WASHC2C: variants seen among roughly 807,000 people sequenced by gnomAD.
The protein encoded by WASHC2C is WASH complex subunit 2C.
Under a neutral mutation model 142.2 loss-of-function variants are expected in WASHC2C, and 73 were observed. The observed-to-expected ratio is 0.51, with a 90% confidence interval of 0.43 to 0.62. The LOEUF (loss-of-function observed/expected upper bound fraction) is 0.62, where lower values mean the gene tolerates loss of function less well. WASHC2C is among the 20% of genes least tolerant of loss of function. WASHC2C has a pLI of 0.00. For missense variants in WASHC2C, 969 were observed against 1,531.7 expected, an observed-to-expected ratio of 0.63 and a Z score of 6.13; for synonymous variants, 337 against 565.5, an observed-to-expected ratio of 0.60 and a Z score of 5.73.
chr10:45,748,960 T>A (rs1250182529), intron 8 of WASHC2C, among the ~76,000 whole-genome samples: 3 of 152,218 alleles, frequency 2.0e-5, no homozygotes, highest in African/African-American at 7.2e-5. Context: ...TGCTGTAGTG[T>A]TTGCAGAGGG....
chr10:45,772,137 G>A (rs1156913840), intron 20 of WASHC2C, among the ~76,000 whole-genome samples: 22 of 152,158 alleles, frequency 1.4e-4, no homozygotes, highest in Non-Finnish European at 2.6e-4. Flanking sequence ...CTTGAAAGAA[G>A]CTGGTCACAG....
At chr10:45,768,755 A>G (rs557333484) in intron 19 of WASHC2C, among the ~76,000 whole-genome samples, 2 of 152,052 alleles carry the variant, frequency 1.3e-5, no homozygotes, top group Admixed American at 1.3e-4. Context: ...TAGGATTTTT[A>G]AAATTAAAAT....
Position 45,729,039 on chromosome 10 carries a change from G to C in WASHC2C, c.291+13G>C, listed in dbSNP as rs782161681. The C allele has an allele frequency of 5.6e-6, 9 of 1,605,892 alleles. No individual in the cohort carries two copies. Among genetic ancestry groups the C allele is most frequent in the Non-Finnish European group, 7.6e-6 (9 of 1,176,754 alleles). On this transcript the variant is annotated intron_variant, in intron 3 of 30. Transcript: ENST00000623400. Reference sequence around the variant, plus strand: ...GTTCATAGAGAATGTGAGTTATTTAGTTATATTATAATTCCTTTTTTGGGA... The same window carrying C: ...GTTCATAGAGAATGTGAGTTATTTACTTATATTATAATTCCTTTTTTGGGA...
At chr10:45,743,356 A>G (rs372120897) in intron 5 of WASHC2C, 34 bp from the exon 6 acceptor site, 1 of 1,611,964 alleles carries the variant, frequency 6.2e-7, no homozygotes, top group Non-Finnish European at 8.5e-7. Flanking sequence ...TTCAACTGAA[A>G]TGTTTGACAG....
intron 28 of WASHC2C, 87 bp from the exon 29 acceptor site, chr10:45,788,784 A>G: frequency 3.1e-6 from 5 of 1,606,266 alleles, no homozygotes; most frequent in Non-Finnish European, 4.3e-6. Context: ...TAACCTTACA[A>G]TATTTTGAGT....
At chr10:45,788,135 G>A (rs1213265239) in intron 28 of WASHC2C, among the ~76,000 whole-genome samples, 1 of 151,898 alleles carries the variant, frequency 6.6e-6, no homozygotes, top group African/African-American at 2.4e-5. Context: ...GTTTAAATTG[G>A]CAACTAAAAT....
rs1270690369 is a variant in WASHC2C, at chr10:45,743,389, G to A, written c.529-1G>A. Reference sequence around the variant, plus strand: ...CAGCCTATTCCTTTCATCATGTACAGGATCTATACATTGATCGTCCTTTAC... The same window carrying A: ...CAGCCTATTCCTTTCATCATGTACAAGATCTATACATTGATCGTCCTTTAC... On this transcript the variant is annotated splice_acceptor_variant, in intron 5 of 30. Transcript: ENST00000623400. LOFTEE classifies it high-confidence loss of function. 6.2e-7 allele frequency: 1 copy of A among 1,611,796 alleles called. No individual in the cohort carries two copies. The highest frequency in any genetic ancestry group is 1.7e-5 in the Admixed American group (1 of 59,980).
chr10:45,752,288 C>T (rs1197407011), intron 11 of WASHC2C, among the ~76,000 whole-genome samples: 33 of 152,402 alleles, frequency 2.2e-4, no homozygotes, highest in African/African-American at 6.5e-4. Flanking sequence ...TTGAATGTGG[C>T]GTCTGACCCG....
intron 19 of WASHC2C, among the ~76,000 whole-genome samples, chr10:45,768,239 A>G (rs1247774811): frequency 2.0e-5 from 3 of 149,882 alleles, no homozygotes; most frequent in Non-Finnish European, 3.0e-5. Flanking sequence ...AAAAGGAAAA[A>G]AAAAAAAAAA....
Position 45,747,523 on chromosome 10 carries a change from T to G in WASHC2C, c.732+876T>G, listed in dbSNP as rs574952912. On this transcript the variant is annotated intron_variant, in intron 8 of 30. Transcript: ENST00000623400. ...CATACTGAGTATGATACTGTCATAG[T>G]CTCTAAATGTATAAGGGAAAGAGTT... Among the ~76,000 whole-genome samples the G allele has an allele frequency of 1.4e-4, 21 of 152,372 alleles. No homozygotes were observed. In the South Asian group the frequency reaches 4.3e-3, roughly 32 times the overall value.
At chr10:45,791,175 T>G (rs1333055059) in intron 30 of WASHC2C, among the ~76,000 whole-genome samples, 8 of 152,198 alleles carry the variant, frequency 5.3e-5, no homozygotes, top group African/African-American at 9.7e-5. Context: ...AATCTAGACC[T>G]TTAGACTAAC....
At chr10:45,740,919 G>C (rs1469663725) in intron 5 of WASHC2C, among the ~76,000 whole-genome samples, 1 of 151,398 alleles carries the variant, frequency 6.6e-6, no homozygotes. Context: ...GACACACAAG[G>C]CCTTCCGAAT....
chr10:45,743,336 T>C (rs2052384076), intron 5 of WASHC2C, 54 bp from the exon 6 acceptor site: 15 of 1,611,254 alleles, frequency 9.3e-6, no homozygotes, highest in Non-Finnish European at 1.3e-5. Flanking sequence ...GTGGCACATG[T>C]AAGTTTGTTT....
At chr10:45,792,110 C>G (rs2058429355) in intron 30 of WASHC2C, 151 bp from the exon 31 acceptor site, 1 of 810,398 alleles carries the variant, frequency 1.2e-6, no homozygotes, top group African/African-American at 1.8e-5. Context: ...AACACAGAAC[C>G]AGAATCTAAG....
chr10:45,728,191 GTTTA>G (rs1205950645), intron 2 of WASHC2C, among the ~76,000 whole-genome samples: 1 of 152,162 alleles, frequency 6.6e-6, no homozygotes, highest in East Asian at 1.9e-4. Flanking sequence ...TGTCTGATTT[GTTTA>G]TTTATTTAAT....
rs553342069 is a variant in WASHC2C at position 45,771,269 on chromosome 10, G to A, written c.2039+1651G>A. ...AATCCCAGCTACTCGGGAGGCTGAG[G>A]CAGGAGAATTGCTTGAACCTGGGAG... On this transcript the variant is annotated intron_variant, in intron 20 of 30. Coordinates refer to ENST00000623400, the MANE Select transcript of WASHC2C (RefSeq NM_001330074.2). 7.4e-3 allele frequency among the ~76,000 whole-genome samples: 1,120 copies of A among 150,870 alleles called. 3 individuals carry two copies. The highest frequency in any genetic ancestry group is 0.028 in the Middle Eastern group (8 of 288).
intron 18 of WASHC2C, among the ~76,000 whole-genome samples, chr10:45,764,380 T>C (rs1392646937): frequency 1.3e-5 from 2 of 151,656 alleles, no homozygotes; most frequent in Admixed American, 6.6e-5. Flanking sequence ...GAGAAAACAT[T>C]TGTGTAGAAG....
At chr10:45,785,989 T>C in intron 26 of WASHC2C, 1 of 280,862 alleles carries the variant, frequency 3.6e-6, no homozygotes, top group East Asian at 9.3e-5. Context: ...TTACATCTGA[T>C]TTCCTGCCTG....
At chr10:45,760,909 C>T (rs1219855704) in intron 17 of WASHC2C, among the ~76,000 whole-genome samples, 2 of 151,270 alleles carry the variant, frequency 1.3e-5, no homozygotes, top group African/African-American at 2.4e-5. Flanking sequence ...CCTAACACCC[C>T]GTCCTTAATA....
Sources: allele counts gnomAD v4.1 joint callset (sites outside exome capture counted in the v4.1 genomes callset), GRCh38; gene constraint gnomAD v4.1.1; transcripts MANE v1.5; gene names NCBI Gene and HGNC (gene_info 2026-07-23, HGNC 2026-07-21).